SLC24A2: variants seen among roughly 807,000 people sequenced by gnomAD.
The protein encoded by SLC24A2 is sodium/potassium/calcium exchanger 2.
In SLC24A2, 36 loss-of-function variants were observed where a neutral mutation model predicts 62.0. The ratio of observed to expected loss-of-function variants is 0.58; its 90% CI spans 0.44 to 0.77. The LOEUF is 0.77. Among genes scored for constraint, SLC24A2 ranks in the 30% least tolerant of loss-of-function variants. The pLI is 0.00. For missense variants in SLC24A2, 846 were observed against 817.9 expected (o/e 1.03, Z -0.42); for synonymous variants, 358 against 294.0 (o/e 1.22, Z -2.23).
the SLC24A2 span, among the ~76,000 whole-genome samples, chr9:19,831,012 T>A: frequency 6.6e-6 from 1 of 152,134 alleles, no homozygotes. Context: ...AGGAGCACTG[T>A]GTCCTCACTT....
intron 2 of SLC24A2, among the ~76,000 whole-genome samples, chr9:19,713,014 A>T (rs1178276127): frequency 6.6e-6 from 1 of 152,044 alleles, no homozygotes; most frequent in Admixed American, 6.6e-5. Flanking sequence ...TTAGTTCTGT[A>T]CTCAGATGTC....
the SLC24A2 span, among the ~76,000 whole-genome samples, chr9:19,840,726 A>G: frequency 6.6e-6 from 1 of 152,112 alleles, no homozygotes; most frequent in Non-Finnish European, 1.5e-5. Flanking sequence ...CTCCACCCCA[A>G]TCAAGCATAC....
At chr9:20,107,272 AG>A in the SLC24A2 span, among the ~76,000 whole-genome samples, 1 of 152,048 alleles carries the variant, frequency 6.6e-6, no homozygotes, top group Non-Finnish European at 1.5e-5. Context: ...ATACTGTCCA[AG>A]GTAATTTATA....
intron 2 of SLC24A2, among the ~76,000 whole-genome samples, chr9:19,742,338 T>G (rs1260529837): frequency 6.6e-6 from 1 of 152,200 alleles, no homozygotes; most frequent in Non-Finnish European, 1.5e-5. Flanking sequence ...GACAATGAAT[T>G]CATCTGGATT....
At chr9:20,112,032 C>T in the SLC24A2 span, among the ~76,000 whole-genome samples, 3 of 152,058 alleles carry the variant, frequency 2.0e-5, no homozygotes, top group African/African-American at 4.8e-5. Context: ...CTATGCCAAA[C>T]ACCATTAAGA....
the SLC24A2 span, among the ~76,000 whole-genome samples, chr9:20,050,240 C>CAAAA: frequency 6.0e-4 from 35 of 58,756 alleles, no homozygotes; most frequent in East Asian, 1.5e-3. Context: ...CCCGTCTCTA[C>CAAAA]AAAAAAAAAA....
chr9:20,111,556 T>C, the SLC24A2 span, among the ~76,000 whole-genome samples: 21,625 of 152,206 alleles, frequency 0.14, 1,615 homozygotes, highest in Middle Eastern at 0.27. Flanking sequence ...ACAAAAGTGC[T>C]TTAATCCTTT....
intron 4 of SLC24A2, among the ~76,000 whole-genome samples, chr9:19,605,959 A>G (rs777146819): frequency 6.6e-6 from 1 of 152,222 alleles, no homozygotes; most frequent in Non-Finnish European, 1.5e-5. Context: ...TAACTCTGCT[A>G]CTTCTCCCAA....
chr9:19,967,976 T>TGTCAG, the SLC24A2 span: 1 of 152,180 alleles, frequency 6.6e-6, no homozygotes, highest in African/African-American at 2.4e-5. Context: ...TCAGGGGCAG[T>TGTCAG]GTCAGAGTTC....
chr9:20,220,423 A>G, the SLC24A2 span, among the ~76,000 whole-genome samples: 10 of 152,140 alleles, frequency 6.6e-5, no homozygotes, highest in African/African-American at 2.2e-4. Flanking sequence ...CACATATTCA[A>G]TCAGAGCTCC....
rs976219485 is a variant in SLC24A2 at position 19,521,050 on chromosome 9, G to T, written c.1580C>A (p.Thr527Lys). 1.2e-6 allele frequency: 2 copies of T among 1,613,888 alleles called. No individual in the cohort carries two copies. Among genetic ancestry groups the T allele is most frequent in the Non-Finnish European group, 1.7e-6 (2 of 1,179,922 alleles). ...MVWWAHQVGE[T>K]IGISEEIMGL... is the part of the protein sequence containing the mutation. ...CATAATCTCTTCACTGATGCCAATT[G>T]TCTCTCCAACCTAAATGTCAGGACA... is the stretch of plus-strand genomic sequence containing the variant. Residue 527 changes from threonine to lysine, a missense_variant, in exon 10 of 11, where the codon ACA (threonine) becomes AAA (lysine). By Grantham distance (78) the Thr-to-Lys change is moderately conservative (BLOSUM62 -1). Transcript: ENST00000341998.
the SLC24A2 span, among the ~76,000 whole-genome samples, chr9:20,229,241 G>C: frequency 6.6e-6 from 1 of 152,168 alleles, no homozygotes; most frequent in African/African-American, 2.4e-5. Context: ...GATGCCCAAG[G>C]TTCAAATCCA....
chr9:20,003,099 T>A, the SLC24A2 span, among the ~76,000 whole-genome samples: 9 of 152,316 alleles, frequency 5.9e-5, no homozygotes, highest in East Asian at 7.7e-4. Context: ...GAATTAGATA[T>A]GGTGGTGAGG....
chr9:19,829,599 C>T, the SLC24A2 span, among the ~76,000 whole-genome samples: 4 of 151,546 alleles, frequency 2.6e-5, no homozygotes, highest in Non-Finnish European at 5.9e-5. Flanking sequence ...GGCATCGTGA[C>T]TTGTGCCTGT....
At chr9:19,580,870 G>T (rs1297780127) in intron 5 of SLC24A2, among the ~76,000 whole-genome samples, 1 of 152,162 alleles carries the variant, frequency 6.6e-6, no homozygotes, top group African/African-American at 2.4e-5. Flanking sequence ...AGTTACTAGT[G>T]ACATACGATG....
the SLC24A2 span, among the ~76,000 whole-genome samples, chr9:19,909,934 G>C: frequency 6.6e-6 from 1 of 151,952 alleles, no homozygotes; most frequent in Non-Finnish European, 1.5e-5. Context: ...CTGCAAACAT[G>C]TTCAAATTTT....
chr9:19,602,264 C>G (rs1836862337), intron 4 of SLC24A2, among the ~76,000 whole-genome samples: 1 of 152,158 alleles, frequency 6.6e-6, no homozygotes, highest in African/African-American at 2.4e-5. Context: ...TGGAAGTGCT[C>G]AAGCTCATAC....
At chr9:19,616,974 G>T (rs950160025) in intron 4 of SLC24A2, among the ~76,000 whole-genome samples, 10 of 152,156 alleles carry the variant, frequency 6.6e-5, no homozygotes, top group Admixed American at 4.6e-4. Flanking sequence ...AGGGGTGTTT[G>T]TCTGAAGACA....
chr9:20,151,712 C>T, the SLC24A2 span, among the ~76,000 whole-genome samples: 1 of 151,834 alleles, frequency 6.6e-6, no homozygotes, highest in Non-Finnish European at 1.5e-5. Flanking sequence ...TCACCAGTCT[C>T]TGCCTTACCC....
Sources: allele counts gnomAD v4.1 joint callset (sites outside exome capture counted in the v4.1 genomes callset), GRCh38; gene constraint gnomAD v4.1.1; transcripts MANE v1.5; gene names NCBI Gene and HGNC (gene_info 2026-07-23, HGNC 2026-07-21).